Variants in COL18A1 observed in about 807,000 individuals in gnomAD.
The protein encoded by COL18A1 is collagen type XVIII alpha 1 chain.
A neutral mutation model predicts 168.0 loss-of-function variants in COL18A1; 133 were observed. The ratio of observed to expected loss-of-function variants is 0.79; its 90% confidence interval spans 0.69 to 0.91. COL18A1 has a LOEUF of 0.91. Ranked by LOEUF, COL18A1 falls within the 40% of genes least tolerant of loss-of-function variation. COL18A1 has a pLI of 0.00. For missense variants in COL18A1, 2,126 were observed against 1,925.4 expected (o/e 1.10, Z -1.95); for synonymous variants, 949 against 809.0 (o/e 1.17, Z -2.94).
At chr21:45,451,219 G>C (rs1263191419) in intron 2 of COL18A1, among the ~76,000 whole-genome samples, 2 of 152,216 alleles carry the variant, frequency 1.3e-5, no homozygotes, top group African/African-American at 4.8e-5. Context: ...GGCCAGCGGG[G>C]GCCATGGTAC....
chr21:45,435,264 A>G (rs1162698949), intron 2 of COL18A1, among the ~76,000 whole-genome samples: 1 of 72,368 alleles, frequency 1.4e-5, no homozygotes, highest in Non-Finnish European at 2.5e-5. Flanking sequence ...AAGAGGAAGA[A>G]GGGGGTGGGG....
chr21:45,435,509 C>A (rs1238810996), intron 2 of COL18A1, among the ~76,000 whole-genome samples: 2 of 152,048 alleles, frequency 1.3e-5, no homozygotes, highest in Non-Finnish European at 2.9e-5. Context: ...TTCTTAGTGA[C>A]CCTGGGGGCT....
chr21:45,448,507 A>C (rs903189212), intron 2 of COL18A1, among the ~76,000 whole-genome samples: 3 of 152,214 alleles, frequency 2.0e-5, no homozygotes, highest in African/African-American at 7.2e-5. Flanking sequence ...ATGTATCCAT[A>C]TCCACACATC....
chr21:45,484,140 T>TGC (rs2036003546), intron 15 of COL18A1, among the ~76,000 whole-genome samples: 1 of 85,652 alleles, frequency 1.2e-5, no homozygotes, highest in Non-Finnish European at 2.1e-5. Flanking sequence ...CCAGCGTATG[T>TGC]ACACACACAC....
chr21:45,487,626 C>A, intron 17 of COL18A1, 117 bp downstream of exon 17: 1 of 1,321,892 alleles, frequency 7.6e-7, no homozygotes, highest in Non-Finnish European at 1.1e-6. Flanking sequence ...CCCTGCAGAG[C>A]CGTGAGGACC....
intron 2 of COL18A1, among the ~76,000 whole-genome samples, chr21:45,444,973 T>C (rs10854470): frequency 0.49 from 74,915 of 151,996 alleles, 20,160 homozygotes; most frequent in African/African-American, 0.72. Flanking sequence ...TTGTTTTGAA[T>C]GGCTTTATTG....
chr21:45,468,107 C>CT (rs2035279862), intron 2 of COL18A1, 135 bp from the exon 3 acceptor site: 1 of 922,742 alleles, frequency 1.1e-6, no homozygotes, highest in Non-Finnish European at 1.6e-6. Flanking sequence ...TCAGGGCAGG[C>CT]TGCCAGGCAC....
At chr21:45,418,237 T>C (rs1187224500) in intron 2 of COL18A1, among the ~76,000 whole-genome samples, 1 of 152,210 alleles carries the variant, frequency 6.6e-6, no homozygotes, top group East Asian at 1.9e-4. Flanking sequence ...TGCTCATCCC[T>C]GGTGGGGGCA....
rs118017976 is a variant in COL18A1 at position 45,414,708 on chromosome 21, C to T, written c.106+9235C>T. On this transcript the variant is annotated intron_variant, in intron 2 of 41. Transcript: ENST00000651438. ...CAGTGAGAGGGCAGACAGATGGACA[C>T]TAATGTCCCCGAACCTAAGAAACAA... 6.8e-3 allele frequency among the ~76,000 whole-genome samples: 1,040 copies of T among 152,362 alleles called. 9 individuals are homozygous for T. The highest frequency in any genetic ancestry group is 0.048 in the East Asian group (247 of 5,186).
chr21:45,405,977 G>T (rs1282472414), intron 2 of COL18A1, among the ~76,000 whole-genome samples: 1 of 152,016 alleles, frequency 6.6e-6, no homozygotes, highest in Non-Finnish European at 1.5e-5. Flanking sequence ...CTCTGTCCCC[G>T]CGCCCGCCGT....
chr21:45,408,300 T>C (rs2033179848), intron 2 of COL18A1, among the ~76,000 whole-genome samples: 1 of 152,222 alleles, frequency 6.6e-6, no homozygotes, highest in Non-Finnish European at 1.5e-5. Flanking sequence ...ACATTCCCAG[T>C]CACGCGAAGT....
chr21:45,424,090 T>A (rs1479429561), intron 2 of COL18A1: 1 of 152,172 alleles, frequency 6.6e-6, no homozygotes, highest in Non-Finnish European at 1.5e-5. Context: ...TCCCGGGCAC[T>A]GGTGCTGGGG....
chr21:45,437,250 A>G (rs867332688), intron 2 of COL18A1, among the ~76,000 whole-genome samples: 1 of 115,356 alleles, frequency 8.7e-6, no homozygotes, highest in Non-Finnish European at 1.7e-5. Context: ...TCCTGTACAC[A>G]CACACACTCA....
intron 15 of COL18A1, 107 bp from the exon 16 acceptor site, chr21:45,486,754 T>C (rs2036127980): frequency 7.8e-7 from 1 of 1,276,298 alleles, no homozygotes; most frequent in African/African-American, 1.5e-5. Flanking sequence ...CCTTACCTTT[T>C]GATTTGCAGG....
chr21:45,421,391 G>C, intron 2 of COL18A1: 2 of 533,422 alleles, frequency 3.7e-6, no homozygotes, highest in Non-Finnish European at 7.7e-6. Context: ...AGGGCACTGC[G>C]GTGCCTGGAG....
At chr21:45,470,003 T>G (rs571674473) in intron 3 of COL18A1, among the ~76,000 whole-genome samples, 17 of 152,322 alleles carry the variant, frequency 1.1e-4, no homozygotes, top group African/African-American at 3.8e-4. Flanking sequence ...CCCCAGCCGT[T>G]TCTTGGTGGA....
At position 45,477,411 on chromosome 21, in the gene COL18A1, C is replaced by T. The variant is rs1307366960; in HGVS notation, c.929C>T (p.Ala310Val). The part of the protein sequence containing the change: ...EEQTTVASLG[A>V]QTLPGSDSVS... ...TGGCCACCTCTGCTTCTCTTCCCAG[C>T]TCAGACACTTCCTGGCTCAGATTCT... Residue 310 changes from alanine to valine, a missense_variant and splice_region_variant, in exon 7 of 42, where the codon GCT becomes GTT. By Grantham distance (64) the Ala-to-Val change is moderately conservative. Coordinates refer to ENST00000651438, the MANE Select transcript of COL18A1 (RefSeq NM_001379500.1). 15 of 1,612,176 alleles carry T rather than the reference C, an allele frequency of 9.3e-6. No individual in the cohort carries two copies. Among genetic ancestry groups the T allele is most frequent in the East Asian group, 2.2e-5 (1 of 44,808 alleles).
chr21:45,509,624 C>T lies in COL18A1; in HGVS notation c.3495+23C>T, dbSNP rs1205354699. 4 of 1,309,172 alleles carry T rather than the reference C, an allele frequency of 3.1e-6. No homozygotes were observed. In the Admixed American group the frequency reaches 5.9e-5, roughly 19 times the overall value. 81.1% of individuals were successfully genotyped at this position (1,309,172 alleles called of 1,614,324 possible). A position where few individuals can be genotyped will look rare whatever the true frequency, so the allele number is the denominator to read the frequency against. On this transcript the variant is annotated intron_variant, in intron 39 of 41. Transcript: ENST00000651438. The stretch of plus-strand genomic sequence containing the variant: ...GTGGTGAGTGCCCCCCCAAAGTGGG[C>T]TTGGCTCCATCTAGCCCCTCGGCTC...
chr21:45,487,621 C>A, intron 17 of COL18A1, 112 bp downstream of exon 17: 2 of 1,403,638 alleles, frequency 1.4e-6, no homozygotes, highest in Non-Finnish European at 2.0e-6. Context: ...AGCCGCCCTG[C>A]AGAGCCGTGA....
Sources: allele counts gnomAD v4.1 joint callset (sites outside exome capture counted in the v4.1 genomes callset), GRCh38; gene constraint gnomAD v4.1.1; transcripts MANE v1.5; gene names NCBI Gene and HGNC (gene_info 2026-07-23, HGNC 2026-07-21).